EXPH5: variants seen among roughly 807,000 people sequenced by gnomAD.
EXPH5 encodes exophilin 5, also known as exophilin-5.
EXPH5 carries 42 observed loss-of-function variants against 41.1 expected under a neutral mutation model. The ratio of observed to expected loss-of-function variants is 1.02; its 90% CI spans 0.80 to 1.32. The LOEUF (loss-of-function observed/expected upper bound fraction) is 1.32. Ranked by LOEUF, EXPH5 falls within the 40% of genes most tolerant of loss-of-function variation. The pLI, the probability that EXPH5 is intolerant of heterozygous loss-of-function variation, is 0.00. For missense variants in EXPH5, 2,298 were observed against 2,314.5 expected (o/e 0.99, Z 0.15); for synonymous variants, 798 against 833.5 (o/e 0.96, Z 0.73).
chr11:108,521,927 C>T lies in EXPH5; in HGVS notation c.493-3554G>A, dbSNP rs532961370. On this transcript the variant is annotated intron_variant, in intron 4 of 5. Transcript: ENST00000265843. ...CACATTCCTTTGTAATGATAATATA[C>T]AGTGAAATGAAAAGTACATGAACAG... is the stretch of plus-strand genomic sequence containing the variant. 6.6e-5 allele frequency among the ~76,000 whole-genome samples: 10 copies of T among 152,242 alleles called. No homozygotes were observed. In the South Asian group the frequency reaches 2.1e-3, roughly 32 times the overall value.
At chr11:108,554,252 G>A (rs74316707) in intron 1 of EXPH5, among the ~76,000 whole-genome samples, 1 of 151,908 alleles carries the variant, frequency 6.6e-6, no homozygotes, top group South Asian at 2.1e-4. Context: ...ATGGTGTTTC[G>A]CCATGTTGGC....
At chr11:108,576,832 T>C (rs149766067) in intron 1 of EXPH5, among the ~76,000 whole-genome samples, 31 of 152,282 alleles carry the variant, frequency 2.0e-4, no homozygotes, top group African/African-American at 7.5e-4. Flanking sequence ...TATTATTCCT[T>C]CTATCTAACT....
At position 108,510,432 on chromosome 11, in the gene EXPH5, G is replaced by C; in HGVS notation, c.5075C>G (p.Ser1692Cys). Reference protein sequence around the residue: ...EPSTHVSNQKSNSISQRHQNE... With the variant: ...EPSTHVSNQKCNSISQRHQNE... ...CTGATGTCGTTGTGAAATGCTGTTAGACTTCTGGTTGCTGACGTGTGTAGA... is the reference window on the plus strand; with the variant it reads ...CTGATGTCGTTGTGAAATGCTGTTACACTTCTGGTTGCTGACGTGTGTAGA... The change falls in exon 6 of 6, where the codon TCT becomes TGT. Residue 1692 changes from serine (S) to cysteine (C), a missense_variant. Coordinates refer to ENST00000265843, the MANE Select transcript of EXPH5 (RefSeq NM_015065.3). 1 of 1,614,042 alleles carries C rather than the reference G, an allele frequency of 6.2e-7. No individual in the cohort carries two copies. Among genetic ancestry groups the C allele is most frequent in the Non-Finnish European group, 8.5e-7 (1 of 1,180,002 alleles).
chr11:108,561,698 A>G lies in EXPH5; in HGVS notation c.120-19886T>C, dbSNP rs1237164926. On this transcript the variant is annotated intron_variant, in intron 1 of 5. Coordinates refer to ENST00000265843, the MANE Select transcript of EXPH5 (RefSeq NM_015065.3). ...TTGGAGAGTGATTAACAACTTAATAACGTCTTTCCTCTTGGCATGTCTTAA... is the reference window on the plus strand; with the variant it reads ...TTGGAGAGTGATTAACAACTTAATAGCGTCTTTCCTCTTGGCATGTCTTAA... Among the ~76,000 whole-genome samples, 4 of 152,228 alleles carry G rather than the reference A, an allele frequency of 2.6e-5. No homozygotes were observed. The East Asian group carries it at 7.7e-4, about 29-fold the overall frequency.
rs1172100922 is a variant in EXPH5 at position 108,509,595 on chromosome 11, T to A, written c.5912A>T (p.Asp1971Val). The A allele has an allele frequency of 6.2e-7, 1 of 1,601,582 alleles. No individual in the cohort carries two copies. The highest frequency in any genetic ancestry group is 1.1e-5 in the South Asian group (1 of 87,636). Residue 1971 changes from aspartate to valine, a missense_variant, in exon 6 of 6, where the codon GAC (aspartate) becomes GTC (valine). By Grantham distance (152) the Asp-to-Val change is radical. Transcript: ENST00000265843. ...GTAGTATTCATCATCTGTGGTTGTG[T>A]CTGTGTCACAATCTGAGTCCACTGG... ...DDPVDSDCDT[D>V]TTTDDEYYLD...
intron 1 of EXPH5, among the ~76,000 whole-genome samples, chr11:108,548,454 GA>G (rs1804952182): frequency 6.6e-6 from 1 of 152,160 alleles, no homozygotes; most frequent in African/African-American, 2.4e-5. Flanking sequence ...AGATTTTGAA[GA>G]AATTCAAATA....
Position 108,513,199 on chromosome 11 carries a change from G to T in EXPH5, c.2308C>A (p.Pro770Thr). 6.2e-7 allele frequency: 1 copy of T among 1,614,054 alleles called. No individual in the cohort carries two copies. Among genetic ancestry groups the T allele is most frequent in the Non-Finnish European group, 8.5e-7 (1 of 1,180,020 alleles). ...GTATCTTTCCTGGAAAAGACTCTGGGTGACTTTTTTGAACTTATTATGGTA... is the reference window on the plus strand; with the variant it reads ...GTATCTTTCCTGGAAAAGACTCTGGTTGACTTTTTTGAACTTATTATGGTA... The part of the protein sequence containing the change: ...ASTIISSKKS[P>T]RVFSRKDTSK... Residue 770 changes from proline to threonine, a missense_variant, in exon 6 of 6, where the codon CCC becomes ACC. By Grantham distance (38) the Pro-to-Thr change is conservative. Transcript: ENST00000265843.
Position 108,510,401 on chromosome 11 carries a change from C to T in EXPH5, c.5106G>A (p.Glu1702=). The T allele has an allele frequency of 1.2e-6, 2 of 1,613,922 alleles. No individual in the cohort carries two copies. The highest frequency in any genetic ancestry group is 1.7e-6 in the Non-Finnish European group (2 of 1,179,984). ...ATGGTGATTCTGAGACGTTTTTAAA[C>T]TCATTCTGATGTCGTTGTGAAATGC... ...SNSISQRHQN[E]FKNVSESPSK... The change falls in exon 6 of 6, where the codon GAG becomes GAA. Residue 1702 remains glutamate, a synonymous_variant. Transcript: ENST00000265843.
chr11:108,593,314 G>T, intron 1 of EXPH5, 104 bp downstream of exon 1: 1 of 964,472 alleles, frequency 1.0e-6, no homozygotes, highest in Non-Finnish European at 1.6e-6. Flanking sequence ...GCCGCTCGGA[G>T]CACCCCCGGG....
At chr11:108,563,998 G>A (rs755234989) in intron 1 of EXPH5, among the ~76,000 whole-genome samples, 1 of 152,170 alleles carries the variant, frequency 6.6e-6, no homozygotes, top group Non-Finnish European at 1.5e-5. Context: ...AGTAGGAGAC[G>A]GCTGCACACG....
chr11:108,528,546 T>A (rs548653079), intron 3 of EXPH5, among the ~76,000 whole-genome samples: 66 of 152,278 alleles, frequency 4.3e-4, no homozygotes, highest in Non-Finnish European at 7.6e-4. Context: ...TACATCACTC[T>A]CCTGAGATGG....
intron 1 of EXPH5, among the ~76,000 whole-genome samples, chr11:108,555,034 T>C (rs549763446): frequency 1.8e-3 from 279 of 152,316 alleles, no homozygotes; most frequent in African/African-American, 5.9e-3. Flanking sequence ...ACTCCCAGAT[T>C]TCTATGTCGT....
At chr11:108,541,949 C>T in intron 1 of EXPH5, 137 bp from the exon 2 acceptor site, 1 of 630,214 alleles carries the variant, frequency 1.6e-6, no homozygotes, top group African/African-American at 1.9e-5. Flanking sequence ...ACAACCTCGT[C>T]TCACTGCAAC....
chr11:108,530,662 C>T (rs573761838), intron 3 of EXPH5, among the ~76,000 whole-genome samples: 40 of 152,234 alleles, frequency 2.6e-4, no homozygotes, highest in Non-Finnish European at 5.7e-4. Context: ...GTCCGACACT[C>T]ACCAGCTCAC....
chr11:108,594,646 T>G (rs2094136066), upstream of EXPH5, among the ~76,000 whole-genome samples: 1 of 152,232 alleles, frequency 6.6e-6, no homozygotes, highest in African/African-American at 2.4e-5. Flanking sequence ...CTTCACTTCC[T>G]ACCCAAAAAT....
intron 4 of EXPH5, among the ~76,000 whole-genome samples, chr11:108,524,637 C>G (rs183694071): frequency 3.3e-5 from 5 of 152,158 alleles, no homozygotes; most frequent in Admixed American, 6.5e-5. Context: ...CATAGAGTAG[C>G]CTTAGAGTAC....
rs752175065 is a variant in EXPH5, at chr11:108,514,404, A to G, written c.1103T>C (p.Leu368Ser). 1 of 1,614,016 alleles carries G rather than the reference A, an allele frequency of 6.2e-7. No individual in the cohort carries two copies. The highest frequency in any genetic ancestry group is 8.5e-7 in the Non-Finnish European group (1 of 1,180,012). Residue 368 changes from leucine to serine, a missense_variant, in exon 6 of 6, where the codon TTA becomes TCA. Transcript: ENST00000265843. ...RHQQSPKRTP[L>S]SSIIWNRSDS... is the part of the protein sequence containing the mutation. Reference sequence around the variant, plus strand: ...TGATCTGTTCCATATGATGGATGATAAAGGAGTTCTCTTTGGACTCTGCTG... The same window carrying G: ...TGATCTGTTCCATATGATGGATGATGAAGGAGTTCTCTTTGGACTCTGCTG...
At position 108,509,347 on chromosome 11, in the gene EXPH5, A is replaced by T. The variant is rs1434935905; in HGVS notation, c.*190T>A. On this transcript the variant is annotated 3_prime_UTR_variant, in exon 6 of 6. Transcript: ENST00000265843. ...AAAATAGCAGAGACTCTCTCAAAAC[A>T]AGAATTCATTGTTCTAGCATTCAGG... The T allele has an allele frequency of 1.4e-5, 6 of 436,248 alleles. No individual in the cohort carries two copies. The Admixed American group carries it at 2.3e-4, about 17-fold the overall frequency. The allele number at this position is 436,248 out of a possible 1,614,324, so 27.0% of individuals were successfully genotyped here. A position where few individuals can be genotyped will look rare whatever the true frequency, so the allele number is the denominator to read the frequency against.
At chr11:108,578,567 A>G (rs2094087297) in intron 1 of EXPH5, among the ~76,000 whole-genome samples, 1 of 152,178 alleles carries the variant, frequency 6.6e-6, no homozygotes, top group African/African-American at 2.4e-5. Flanking sequence ...ATTTCTGTGA[A>G]GAATTTCATT....
Sources: gnomAD v4.1 joint callset for allele counts (sites outside exome capture counted in the v4.1 genomes callset) on GRCh38, gnomAD v4.1.1 for gene constraint, MANE v1.5 for transcripts, NCBI Gene and HGNC (gene_info 2026-07-23, HGNC 2026-07-21) for gene names.